The following PTPRM variants were observed in gnomAD, a reference collection of about 807,000 sequenced individuals.
The protein encoded by PTPRM is receptor-type tyrosine-protein phosphatase mu.
Under a neutral mutation model 186.7 loss-of-function variants are expected in PTPRM, and 47 were observed. The observed-to-expected ratio is 0.25, with a 90% CI of 0.20 to 0.32. The LOEUF (loss-of-function observed/expected upper bound fraction) is 0.32. PTPRM is among the 10% of genes least tolerant of loss of function. The pLI is 1.00. For synonymous variants in PTPRM, 668 were observed against 674.9 expected, an observed-to-expected ratio of 0.99 and a Z score of 0.16; for missense variants, 1,494 against 1,865.0, an observed-to-expected ratio of 0.80 and a Z score of 3.66.
At chr18:7,759,493 A>T (rs567221052) in intron 1 of PTPRM, among the ~76,000 whole-genome samples, 107 of 152,366 alleles carry the variant, frequency 7.0e-4, no homozygotes, top group African/African-American at 2.4e-3. Context: ...ACATATCCCA[A>T]TGAATAGTTT....
At chr18:7,658,084 C>G (rs147115412) in intron 1 of PTPRM, among the ~76,000 whole-genome samples, 15 of 152,094 alleles carry the variant, frequency 9.9e-5, no homozygotes, top group African/African-American at 3.6e-4. Flanking sequence ...GGATACAATA[C>G]AGTATTATCA....
intron 1 of PTPRM, among the ~76,000 whole-genome samples, chr18:7,709,068 C>T (rs1219515633): frequency 6.6e-6 from 1 of 152,110 alleles, no homozygotes; most frequent in African/African-American, 2.4e-5. Context: ...TTTTATATTT[C>T]ACACTACTCC....
chr18:8,349,624 T>C (rs2095523767), intron 23 of PTPRM, among the ~76,000 whole-genome samples: 1 of 152,212 alleles, frequency 6.6e-6, no homozygotes, highest in African/African-American at 2.4e-5. Context: ...TGGCCATCTC[T>C]ACCTCTGTGT....
intron 2 of PTPRM, among the ~76,000 whole-genome samples, chr18:7,776,307 A>G (rs1352211663): frequency 1.3e-5 from 2 of 152,184 alleles, no homozygotes; most frequent in African/African-American, 4.8e-5. Flanking sequence ...ACCCCCAAAC[A>G]GATTGCAACT....
intron 1 of PTPRM, among the ~76,000 whole-genome samples, chr18:7,641,691 T>G (rs1447969064): frequency 6.6e-6 from 1 of 152,244 alleles, no homozygotes; most frequent in African/African-American, 2.4e-5. Context: ...TCAAAGCCCC[T>G]TTTAAAATGG....
chr18:7,896,239 T>G (rs1056461305), intron 3 of PTPRM, among the ~76,000 whole-genome samples: 13 of 152,150 alleles, frequency 8.5e-5, no homozygotes, highest in Non-Finnish European at 1.5e-4. Flanking sequence ...AATATTTTCC[T>G]CATGTACTCG....
At chr18:8,265,655 GA>G (rs2094691878) in intron 19 of PTPRM, among the ~76,000 whole-genome samples, 1 of 152,190 alleles carries the variant, frequency 6.6e-6, no homozygotes, top group African/African-American at 2.4e-5. Flanking sequence ...ATAACCAGTT[GA>G]AAAGTCAATT....
chr18:8,346,351 G>A (rs1417474364), intron 23 of PTPRM, among the ~76,000 whole-genome samples: 3 of 152,194 alleles, frequency 2.0e-5, no homozygotes, highest in African/African-American at 7.2e-5. Flanking sequence ...TTCTGCTTCT[G>A]GTGCAGGCCC....
At chr18:7,816,427 TG>T (rs1164418630) in intron 2 of PTPRM, among the ~76,000 whole-genome samples, 5 of 152,166 alleles carry the variant, frequency 3.3e-5, no homozygotes. Flanking sequence ...TTTTAAGAAT[TG>T]TAAGTTGCAA....
chr18:7,726,659 G>C (rs531413999), intron 1 of PTPRM, among the ~76,000 whole-genome samples: 3 of 152,294 alleles, frequency 2.0e-5, no homozygotes, highest in East Asian at 3.9e-4. Flanking sequence ...TCAAGAGTGA[G>C]AATGACCATT....
At chr18:8,019,789 A>G (rs985074060) in intron 7 of PTPRM, among the ~76,000 whole-genome samples, 19 of 147,128 alleles carry the variant, frequency 1.3e-4, no homozygotes, top group African/African-American at 4.7e-4. Context: ...TTATAAACTA[A>G]TAATTTATAA....
intron 7 of PTPRM, among the ~76,000 whole-genome samples, chr18:7,964,883 G>T (rs1030946795): frequency 6.6e-6 from 1 of 152,054 alleles, no homozygotes; most frequent in Non-Finnish European, 1.5e-5. Context: ...CTGTTCTGCA[G>T]GGTGGCAAAA....
chr18:7,660,180 TAAAA>T (rs1230786923), intron 1 of PTPRM, among the ~76,000 whole-genome samples: 1 of 151,716 alleles, frequency 6.6e-6, no homozygotes, highest in Admixed American at 6.6e-5. Context: ...CTACTAAAAA[TAAAA>T]AAATCAGCTG....
intron 7 of PTPRM, among the ~76,000 whole-genome samples, chr18:8,010,390 A>G (rs986506587): frequency 1.8e-4 from 28 of 152,228 alleles, no homozygotes; most frequent in Non-Finnish European, 4.4e-5. Context: ...CCATTTATGA[A>G]ATTTCTGTAC....
At chr18:8,253,126 C>G (rs1601489205) in intron 18 of PTPRM, 101 bp from the exon 19 acceptor site, 1 of 1,010,614 alleles carries the variant, frequency 9.9e-7, no homozygotes, top group Non-Finnish European at 1.3e-6. Context: ...TTTTGCACCC[C>G]TAGGTGAGGG....
chr18:8,253,292 G>C lies in PTPRM; in HGVS notation c.2632G>C (p.Glu878Gln), dbSNP rs1274276304. 3 of 1,597,112 alleles carry C rather than the reference G, an allele frequency of 1.9e-6. No individual in the cohort carries two copies. The highest frequency in any genetic ancestry group is 2.6e-6 in the Non-Finnish European group (3 of 1,171,920). ...GCAGTCCCATACTTACAAGAAGCGA[G>C]AGCCGGCCGACGTGCCCTATCAGAC... is the stretch of plus-strand genomic sequence containing the variant. ...LVQSHTYKKR[E>Q]PADVPYQTGQ... Residue 878 changes from glutamate (E) to glutamine (Q), a missense_variant, in exon 19 of 33, where the codon GAG becomes CAG. By Grantham distance (29) the Glu-to-Gln change is conservative. Coordinates refer to ENST00000580170, the MANE Select transcript of PTPRM (RefSeq NM_001105244.2).
chr18:7,760,485 C>T (rs961721970), intron 1 of PTPRM, among the ~76,000 whole-genome samples: 3 of 152,114 alleles, frequency 2.0e-5, no homozygotes, highest in Admixed American at 6.6e-5. Context: ...GAAGGGCCTG[C>T]GCTGGGTTCG....
At chr18:8,028,453 A>C (rs2085719159) in intron 7 of PTPRM, among the ~76,000 whole-genome samples, 1 of 152,222 alleles carries the variant, frequency 6.6e-6, no homozygotes. Flanking sequence ...AAATTTATTA[A>C]ATAAATGTAG....
chr18:7,888,680 A>G (rs2048908224), intron 3 of PTPRM, among the ~76,000 whole-genome samples: 1 of 152,170 alleles, frequency 6.6e-6, no homozygotes, highest in Non-Finnish European at 1.5e-5. Flanking sequence ...TTTTGGTAGA[A>G]TGTTTATCAC....
Sources: gnomAD v4.1 joint callset for allele counts (sites outside exome capture counted in the v4.1 genomes callset) on GRCh38, gnomAD v4.1.1 for gene constraint, MANE v1.5 for transcripts, NCBI Gene and HGNC (gene_info 2026-07-23, HGNC 2026-07-21) for gene names.